PAFAH1B1: variants seen among roughly 807,000 people sequenced by gnomAD.
PAFAH1B1 encodes the protein platelet activating factor acetylhydrolase 1b regulatory subunit 1.
Under a neutral mutation model 57.5 loss-of-function variants are expected in PAFAH1B1, and 2 were observed. The observed-to-expected ratio is 0.03, with a 90% CI of 0.01 to 0.11. The LOEUF (loss-of-function observed/expected upper bound fraction) is 0.11. Among genes scored for constraint, PAFAH1B1 ranks in the 10% least tolerant of loss-of-function variants. The pLI, the probability that PAFAH1B1 is intolerant of heterozygous loss-of-function variation, is 1.00. For synonymous variants in PAFAH1B1, 152 were observed against 169.6 expected, an observed-to-expected ratio of 0.90 and a Z score of 0.81; for missense variants, 257 against 512.0, an observed-to-expected ratio of 0.50 and a Z score of 4.81.
Position 2,616,541 on chromosome 17 carries a change from A to T in PAFAH1B1, c.-190-21558A>T, listed in dbSNP as rs531391518. The stretch of plus-strand genomic sequence containing the variant: ...AAATCAGTCTTTTCTTTTTCTCTTA[A>T]GGTCTTCAACTGATAGAATAAGGCC... On this transcript the variant is annotated intron_variant, in intron 1 of 10. Transcript: ENST00000397195. Among the ~76,000 whole-genome samples the T allele has an allele frequency of 7.2e-5, 11 of 152,294 alleles. No homozygotes were observed. The South Asian group carries it at 2.3e-3, about 32-fold the overall frequency.
At chr17:2,632,722 A>G (rs1481120457) in intron 1 of PAFAH1B1, among the ~76,000 whole-genome samples, 1 of 152,206 alleles carries the variant, frequency 6.6e-6, no homozygotes, top group Admixed American at 6.5e-5. Flanking sequence ...TAATATTTAC[A>G]TTGTATTGAG....
intron 1 of PAFAH1B1, among the ~76,000 whole-genome samples, chr17:2,629,891 G>A (rs1381626847): frequency 6.6e-6 from 1 of 152,070 alleles, no homozygotes; most frequent in African/African-American, 2.4e-5. Flanking sequence ...TGTCTGATAT[G>A]AGAATAGCTG....
intron 1 of PAFAH1B1, among the ~76,000 whole-genome samples, chr17:2,601,116 A>G (rs1169603123): frequency 6.6e-6 from 1 of 152,104 alleles, no homozygotes; most frequent in Non-Finnish European, 1.5e-5. Context: ...AAACTCATAC[A>G]TGAATATTTA....
At chr17:2,608,362 G>A (rs1224676869) in intron 1 of PAFAH1B1, among the ~76,000 whole-genome samples, 2 of 152,278 alleles carry the variant, frequency 1.3e-5, no homozygotes, top group East Asian at 1.9e-4. Context: ...GGGATTACAG[G>A]CGTGAGCCAT....
At chr17:2,617,555 C>T (rs1243780435) in intron 1 of PAFAH1B1, among the ~76,000 whole-genome samples, 1 of 152,180 alleles carries the variant, frequency 6.6e-6, no homozygotes, top group Non-Finnish European at 1.5e-5. Context: ...TACCTGCTGA[C>T]AGCAGATGCT....
At chr17:2,642,468 T>A (rs2068708424) in intron 2 of PAFAH1B1, 1 of 152,260 alleles carries the variant, frequency 6.6e-6, no homozygotes, top group African/African-American at 2.4e-5. Flanking sequence ...AAGGCATTTA[T>A]GAAACAAATG....
intron 2 of PAFAH1B1, among the ~76,000 whole-genome samples, chr17:2,644,163 C>CT (rs568959536): frequency 3.4e-3 from 496 of 143,864 alleles, no homozygotes; most frequent in Middle Eastern, 7.2e-3. Context: ...CTCTCTTGCT[C>CT]TTTTTTTTTT....
intron 2 of PAFAH1B1, among the ~76,000 whole-genome samples, chr17:2,659,856 G>C (rs1423982117): frequency 6.6e-6 from 1 of 152,072 alleles, no homozygotes; most frequent in African/African-American, 2.4e-5. Context: ...AGGAAGCCTT[G>C]TTACCTGTTT....
intron 8 of PAFAH1B1, among the ~76,000 whole-genome samples, chr17:2,675,114 G>A (rs924062381): frequency 6.6e-6 from 1 of 152,172 alleles, no homozygotes; most frequent in Non-Finnish European, 1.5e-5. Context: ...CGATTCTCCT[G>A]CCTCAGCCTC....
intron 1 of PAFAH1B1, among the ~76,000 whole-genome samples, chr17:2,604,991 T>G (rs1309959809): frequency 6.6e-6 from 1 of 152,180 alleles, no homozygotes; most frequent in African/African-American, 2.4e-5. Flanking sequence ...TTGTATATTG[T>G]GTAGCTTGTA....
At chr17:2,671,233 G>A (rs960718906) in intron 6 of PAFAH1B1, among the ~76,000 whole-genome samples, 4 of 151,552 alleles carry the variant, frequency 2.6e-5, no homozygotes, top group South Asian at 2.1e-4. Flanking sequence ...TTTTGAGACT[G>A]TGTCTCACTC....
chr17:2,644,880 T>C (rs1463985454), intron 2 of PAFAH1B1, among the ~76,000 whole-genome samples: 1 of 152,118 alleles, frequency 6.6e-6, no homozygotes, highest in Non-Finnish European at 1.5e-5. Flanking sequence ...TTAATTTGAA[T>C]AAAAATAAAG....
chr17:2,680,013 T>G, intron 9 of PAFAH1B1, 151 bp from the exon 10 acceptor site: 1 of 739,424 alleles, frequency 1.4e-6, no homozygotes, highest in East Asian at 2.5e-5. Context: ...TCTTATGAGT[T>G]TTCAGTTTCC....
intron 1 of PAFAH1B1, chr17:2,609,554 C>G (rs1205445443): frequency 6.6e-6 from 1 of 152,162 alleles, no homozygotes; most frequent in African/African-American, 2.4e-5. Flanking sequence ...ACTCTGTTGC[C>G]CAGGCTGGAG....
intron 2 of PAFAH1B1, chr17:2,638,621 C>T (rs980565798): frequency 1.7e-5 from 5 of 301,152 alleles, no homozygotes; most frequent in South Asian, 3.8e-5. Context: ...TATTCTTCTG[C>T]CTCAGCCTCC....
chr17:2,644,140 C>G (rs976805936), intron 2 of PAFAH1B1, among the ~76,000 whole-genome samples: 4 of 150,856 alleles, frequency 2.7e-5, no homozygotes, highest in African/African-American at 9.7e-5. Flanking sequence ...ATTACAGGCT[C>G]AAGCCACTGA....
chr17:2,671,174 TTCCACGCATG>T (rs1369451401), intron 6 of PAFAH1B1, among the ~76,000 whole-genome samples: 1 of 152,114 alleles, frequency 6.6e-6, no homozygotes, highest in Non-Finnish European at 1.5e-5. Context: ...ATTACAGGAA[TTCCACGCATG>T]AACACTGTTT....
chr17:2,660,447 C>G (rs1443167821), intron 2 of PAFAH1B1, among the ~76,000 whole-genome samples: 1 of 152,136 alleles, frequency 6.6e-6, no homozygotes, highest in Non-Finnish European at 1.5e-5. Context: ...GTTCCCCTCC[C>G]TGTGGTCCAT....
intron 1 of PAFAH1B1, among the ~76,000 whole-genome samples, chr17:2,633,121 G>T (rs1317114023): frequency 1.3e-5 from 2 of 150,610 alleles, no homozygotes; most frequent in African/African-American, 4.9e-5. Context: ...TTCTCCTGTG[G>T]TCTTTTTCTC....
Sources: allele counts gnomAD v4.1 joint callset (sites outside exome capture counted in the v4.1 genomes callset), GRCh38; gene constraint gnomAD v4.1.1; transcripts MANE v1.5; gene names NCBI Gene and HGNC (gene_info 2026-07-23, HGNC 2026-07-21).